Variants in CNTNAP4 observed in about 807,000 individuals in gnomAD.
The protein encoded by CNTNAP4 is contactin associated protein family member 4.
In CNTNAP4, 98 loss-of-function variants were observed where a neutral mutation model predicts 148.4. The ratio of observed to expected loss-of-function variants is 0.66; its 90% CI spans 0.56 to 0.78. The LOEUF (loss-of-function observed/expected upper bound fraction) is 0.78, where lower values mean the gene tolerates loss of function less well. Among genes scored for constraint, CNTNAP4 ranks in the 30% least tolerant of loss-of-function variants. The pLI, the probability that CNTNAP4 is intolerant of heterozygous loss-of-function variation, is 0.00. For synonymous variants in CNTNAP4, 730 were observed against 565.1 expected (o/e 1.29, Z -4.14); for missense variants, 1,935 against 1,565.6 (o/e 1.24, Z -3.98).
At chr16:76,303,947 A>G (rs1336152635) in intron 1 of CNTNAP4, among the ~76,000 whole-genome samples, 1 of 152,134 alleles carries the variant, frequency 6.6e-6, no homozygotes, top group Admixed American at 6.5e-5. Context: ...AATAATTCTT[A>G]TAAGATTTTG....
chr16:76,288,461 C>T (rs983559464), intron 1 of CNTNAP4, among the ~76,000 whole-genome samples: 5 of 151,980 alleles, frequency 3.3e-5, no homozygotes, highest in African/African-American at 1.2e-4. Context: ...CGTAAATTAC[C>T]CTCAAATACT....
intron 2 of CNTNAP4, among the ~76,000 whole-genome samples, chr16:76,327,925 A>G (rs1188374305): frequency 1.3e-5 from 2 of 149,926 alleles, no homozygotes; most frequent in South Asian, 2.1e-4. Context: ...TCATTGTTTC[A>G]CCCCTTCCTG....
At chr16:76,279,223 A>G (rs898158772) in intron 1 of CNTNAP4, among the ~76,000 whole-genome samples, 1 of 152,172 alleles carries the variant, frequency 6.6e-6, no homozygotes, top group African/African-American at 2.4e-5. Flanking sequence ...CACTCTTACA[A>G]TGTAAAGCAC....
At chr16:76,462,203 C>A in intron 9 of CNTNAP4, 98 bp downstream of exon 9, 2 of 1,046,852 alleles carry the variant, frequency 1.9e-6, no homozygotes, top group South Asian at 1.7e-5. Flanking sequence ...AATATGAATA[C>A]TAAGGAATAA....
At chr16:76,442,642 A>C (rs568151073) in intron 4 of CNTNAP4, among the ~76,000 whole-genome samples, 176 of 152,214 alleles carry the variant, frequency 1.2e-3, no homozygotes, top group African/African-American at 4.1e-3. Context: ...GTCTTGCTTT[A>C]TAGCAACACA....
intron 5 of CNTNAP4, 65 bp from the exon 6 acceptor site, chr16:76,448,701 AG>A: frequency 8.1e-7 from 1 of 1,235,564 alleles, no homozygotes; most frequent in East Asian, 2.6e-5. Context: ...GGTCCACAGA[AG>A]GGAACCTTTT....
chr16:76,388,416 A>C (rs1435888699), intron 3 of CNTNAP4, among the ~76,000 whole-genome samples: 1 of 152,238 alleles, frequency 6.6e-6, no homozygotes, highest in Non-Finnish European at 1.5e-5. Flanking sequence ...AGTGGTTTTG[A>C]AACCTTTGAA....
At chr16:76,310,816 A>G (rs1003000520) in intron 1 of CNTNAP4, among the ~76,000 whole-genome samples, 14 of 151,768 alleles carry the variant, frequency 9.2e-5, no homozygotes, top group Admixed American at 1.3e-4. Flanking sequence ...TTTGAAAAGT[A>G]TATTTTAGGT....
At chr16:76,511,216 T>G (rs2083013478) in intron 15 of CNTNAP4, among the ~76,000 whole-genome samples, 1 of 152,138 alleles carries the variant, frequency 6.6e-6, no homozygotes, top group East Asian at 1.9e-4. Flanking sequence ...TTCATTACAT[T>G]GAAATTTTAT....
At chr16:76,356,533 A>T (rs1307125299) in intron 3 of CNTNAP4, among the ~76,000 whole-genome samples, 1 of 152,168 alleles carries the variant, frequency 6.6e-6, no homozygotes, top group Non-Finnish European at 1.5e-5. Flanking sequence ...TGGAAGAAGA[A>T]CCTAAAGGAT....
chr16:76,522,356 A>G (rs2083490455), intron 17 of CNTNAP4, 99 bp downstream of exon 17: 1 of 968,566 alleles, frequency 1.0e-6, no homozygotes, highest in Non-Finnish European at 1.5e-6. Flanking sequence ...GATAATAACA[A>G]CAAGCAATAA....
intron 2 of CNTNAP4, among the ~76,000 whole-genome samples, chr16:76,352,328 G>A (rs558069664): frequency 6.6e-6 from 1 of 152,280 alleles, no homozygotes; most frequent in African/African-American, 2.4e-5. Flanking sequence ...TGTCCATCAT[G>A]TGCCTATACT....
intron 1 of CNTNAP4, among the ~76,000 whole-genome samples, chr16:76,309,404 TGGAG>T (rs1960846904): frequency 1.3e-5 from 2 of 152,046 alleles, no homozygotes; most frequent in Non-Finnish European, 2.9e-5. Flanking sequence ...AACTTTACAC[TGGAG>T]TAAAGGGGCA....
In CNTNAP4 at chr16:76,498,643, C is replaced by A. The variant is rs780960066; in HGVS notation, c.2314C>A (p.Leu772Met). The A allele has an allele frequency of 1.2e-6, 2 of 1,612,950 alleles. No individual in the cohort carries two copies. The highest frequency in any genetic ancestry group is 1.7e-6 in the Non-Finnish European group (2 of 1,179,374). ...GATCGTGATTACAGACACAGGCCGA[C>A]TGCATTCAGAAGCAGCTTATAAACT... ...TKIVITDTGRLHSEAAYKLGP... is the reference protein window; with the variant it reads ...TKIVITDTGRMHSEAAYKLGP... The change falls in exon 15 of 24, where the codon CTG becomes ATG. Residue 772 changes from leucine to methionine, a missense_variant. Leu to Met is a conservative substitution (Grantham distance 15). Transcript: ENST00000611870.
chr16:76,362,564 A>T (rs1413546807), intron 3 of CNTNAP4, among the ~76,000 whole-genome samples: 1 of 152,254 alleles, frequency 6.6e-6, no homozygotes, highest in Non-Finnish European at 1.5e-5. Flanking sequence ...ACAGACATAT[A>T]GACCAATAAA....
At chr16:76,492,316 G>A (rs551895068) in intron 13 of CNTNAP4, among the ~76,000 whole-genome samples, 2 of 150,520 alleles carry the variant, frequency 1.3e-5, no homozygotes, top group East Asian at 2.0e-4. Context: ...TAGTGTGATT[G>A]TGGTAATCAT....
intron 11 of CNTNAP4, among the ~76,000 whole-genome samples, chr16:76,477,527 A>T (rs2081635649): frequency 6.6e-6 from 1 of 152,192 alleles, no homozygotes; most frequent in African/African-American, 2.4e-5. Context: ...GAGGACCCTC[A>T]GAAGCCCTGA....
intron 15 of CNTNAP4, among the ~76,000 whole-genome samples, chr16:76,508,878 G>A (rs2082919359): frequency 1.1e-5 from 1 of 90,630 alleles, no homozygotes; most frequent in African/African-American, 2.7e-5. Flanking sequence ...TCAGCCTCCC[G>A]AGTAGCTGGG....
chr16:76,315,123 G>A (rs1961569726), intron 1 of CNTNAP4, among the ~76,000 whole-genome samples: 1 of 151,952 alleles, frequency 6.6e-6, no homozygotes, highest in Non-Finnish European at 1.5e-5. Context: ...GTTGTGAAAA[G>A]CACTGTTTTA....
Sources: gnomAD v4.1 joint callset for allele counts (sites outside exome capture counted in the v4.1 genomes callset) on GRCh38, gnomAD v4.1.1 for gene constraint, MANE v1.5 for transcripts, NCBI Gene and HGNC (gene_info 2026-07-23, HGNC 2026-07-21) for gene names.